Variants in ROBO2 observed in about 807,000 individuals in gnomAD.
ROBO2 encodes roundabout homolog 2.
A neutral mutation model predicts 160.8 loss-of-function variants in ROBO2; 53 were observed. The ratio of observed to expected loss-of-function variants is 0.33; its 90% CI spans 0.26 to 0.41. The LOEUF is 0.41. ROBO2 is among the 10% of genes least tolerant of loss of function. The pLI is 1.00. For synonymous variants in ROBO2, 664 were observed against 611.7 expected (o/e 1.09, Z -1.26); for missense variants, 1,577 against 1,722.4 (o/e 0.92, Z 1.49).
chr3:77,537,688 G>T (rs905395939), intron 6 of ROBO2, among the ~76,000 whole-genome samples: 2 of 152,104 alleles, frequency 1.3e-5, no homozygotes, highest in Admixed American at 6.5e-5. Flanking sequence ...CCCAAGGCTG[G>T]GTAATGTATA....
intron 1 of ROBO2, among the ~76,000 whole-genome samples, chr3:75,920,181 C>T (rs1250914885): frequency 2.6e-5 from 4 of 152,084 alleles, no homozygotes; most frequent in Admixed American, 1.3e-4. Flanking sequence ...TATAAATTTC[C>T]CTCTAAACAC....
At position 76,542,522 on chromosome 3, in the gene ROBO2, G is replaced by A. The variant is rs112162812; in HGVS notation, c.110-555492G>A. The stretch of plus-strand genomic sequence containing the variant: ...GTATCTTTTGATCTTAGGTATGGAT[G>A]TTTTTGCACTGCTGTTTACTGACTG... On this transcript the variant is annotated intron_variant, in intron 2 of 26. Transcript: ENST00000487694. 7.2e-3 allele frequency among the ~76,000 whole-genome samples: 1,099 copies of A among 152,244 alleles called. 14 individuals carry two copies. The highest frequency in any genetic ancestry group is 9.5e-3 in the Non-Finnish European group (648 of 68,020).
chr3:76,722,314 G>A lies in ROBO2; in HGVS notation c.110-375700G>A, dbSNP rs141935090. ...TTTTTGTATTTTTAGTAGAGACAGGGTTTCGCAATGTTGGCCAGGCTGATA... is the reference window on the plus strand; with the variant it reads ...TTTTTGTATTTTTAGTAGAGACAGGATTTCGCAATGTTGGCCAGGCTGATA... On this transcript the variant is annotated intron_variant, in intron 2 of 26. Coordinates refer to the ROBO2 transcript ENST00000487694. Among the ~76,000 whole-genome samples the A allele has an allele frequency of 2.6e-5, 4 of 152,200 alleles. No individual in the cohort carries two copies. In the East Asian group the frequency reaches 7.7e-4, roughly 29 times the overall value.
chr3:76,434,088 C>A, intron 2 of ROBO2: 2 of 1,287,124 alleles, frequency 1.6e-6, no homozygotes, highest in South Asian at 1.2e-5. Flanking sequence ...GTATCCCATA[C>A]CTCTGACATG....
At chr3:76,550,236 A>G (rs1214046282) in intron 2 of ROBO2, among the ~76,000 whole-genome samples, 2 of 152,184 alleles carry the variant, frequency 1.3e-5, no homozygotes, top group East Asian at 3.9e-4. Flanking sequence ...CCTGTGTCAC[A>G]TGTTTAATAT....
At chr3:77,127,092 A>C (rs1407075684) in intron 2 of ROBO2, among the ~76,000 whole-genome samples, 1 of 151,886 alleles carries the variant, frequency 6.6e-6, no homozygotes, top group African/African-American at 2.4e-5. Flanking sequence ...CCAGGCCGAA[A>C]CTTCTTTTTT....
chr3:76,733,402 G>C (rs563793069), intron 2 of ROBO2, among the ~76,000 whole-genome samples: 2 of 152,242 alleles, frequency 1.3e-5, no homozygotes, highest in South Asian at 4.1e-4. Context: ...AAACAAAATT[G>C]AGAAAGGACA....
chr3:77,297,862 A>C (rs1015381923), intron 2 of ROBO2, among the ~76,000 whole-genome samples: 3 of 152,278 alleles, frequency 2.0e-5, no homozygotes, highest in Admixed American at 2.0e-4. Flanking sequence ...AGAAAGGAGG[A>C]AACAGACTTT....
chr3:75,947,995 A>C (rs1364370957), intron 2 of ROBO2, among the ~76,000 whole-genome samples: 1 of 152,068 alleles, frequency 6.6e-6, no homozygotes, highest in African/African-American at 2.4e-5. Flanking sequence ...GATGGGAAAA[A>C]ATCTGGCTGT....
intron 2 of ROBO2, among the ~76,000 whole-genome samples, chr3:76,192,081 C>CCAG (rs1702031509): frequency 1.3e-5 from 2 of 151,974 alleles, no homozygotes; most frequent in Admixed American, 6.6e-5. Flanking sequence ...CGCTATTTCC[C>CCAG]TAGTTAGTGC....
intron 2 of ROBO2, among the ~76,000 whole-genome samples, chr3:76,575,133 T>C (rs2085207154): frequency 6.6e-6 from 1 of 152,100 alleles, no homozygotes; most frequent in South Asian, 2.1e-4. Flanking sequence ...CTTGCTAAGT[T>C]ACACAGGCTG....
chr3:76,130,521 C>T (rs1425699528), intron 2 of ROBO2, among the ~76,000 whole-genome samples: 2 of 152,060 alleles, frequency 1.3e-5, no homozygotes, highest in Non-Finnish European at 2.9e-5. Context: ...TACGCATACA[C>T]TCACACACAT....
At chr3:77,457,564 T>A (rs1240226331) in intron 2 of ROBO2, among the ~76,000 whole-genome samples, 3 of 152,158 alleles carry the variant, frequency 2.0e-5, no homozygotes, top group African/African-American at 7.2e-5. Flanking sequence ...CGGTATTATA[T>A]TAGAGTGATT....
chr3:76,670,828 A>T (rs2092236361), intron 2 of ROBO2, among the ~76,000 whole-genome samples: 1 of 151,772 alleles, frequency 6.6e-6, no homozygotes, highest in African/African-American at 2.4e-5. Context: ...GCCTTTAGAG[A>T]TGATTTTATT....
At chr3:76,926,777 G>T (rs1216289553) in intron 2 of ROBO2, among the ~76,000 whole-genome samples, 2 of 152,160 alleles carry the variant, frequency 1.3e-5, no homozygotes, top group African/African-American at 4.8e-5. Context: ...AGAGAGAGCT[G>T]AGTAACTGAT....
intron 2 of ROBO2, among the ~76,000 whole-genome samples, chr3:76,141,430 C>G (rs962665163): frequency 6.7e-6 from 1 of 150,128 alleles, no homozygotes; most frequent in African/African-American, 2.5e-5. Flanking sequence ...GATGTACCCA[C>G]CGAATATAAT....
In ROBO2 at chr3:76,551,914, C is replaced by G. The variant is rs143848063; in HGVS notation, c.110-546100C>G. On this transcript the variant is annotated intron_variant, in intron 2 of 26. Coordinates refer to the ROBO2 transcript ENST00000487694. ...ATCCCTCACTGCTCCATGAATGGCT[C>G]ATCCTTGGCAAGTGCTGGATCTGGT... 3.0e-3 allele frequency among the ~76,000 whole-genome samples: 463 copies of G among 152,238 alleles called. 3 individuals carry two copies. Among genetic ancestry groups the G allele is most frequent in the African/African-American group, 0.011 (455 of 41,558 alleles).
intron 2 of ROBO2, among the ~76,000 whole-genome samples, chr3:77,132,779 A>C (rs1167070008): frequency 6.6e-6 from 1 of 152,126 alleles, no homozygotes; most frequent in Non-Finnish European, 1.5e-5. Context: ...GGAAAAATGA[A>C]GATTACTAAA....
intron 2 of ROBO2, among the ~76,000 whole-genome samples, chr3:76,900,801 G>C (rs976151683): frequency 4.6e-5 from 7 of 152,218 alleles, no homozygotes; most frequent in Non-Finnish European, 1.0e-4. Context: ...CCTGTATGCA[G>C]TGAGAAGCTG....
Sources: gnomAD v4.1 joint callset for allele counts (sites outside exome capture counted in the v4.1 genomes callset) on GRCh38, gnomAD v4.1.1 for gene constraint, MANE v1.5 for transcripts, NCBI Gene and HGNC (gene_info 2026-07-23, HGNC 2026-07-21) for gene names.